IGFBPL1: variants seen among roughly 807,000 people sequenced by gnomAD.
IGFBPL1 encodes insulin-like growth factor-binding protein-like 1.
IGFBPL1 carries 20 observed loss-of-function variants against 23.9 expected under a neutral mutation model. The observed-to-expected ratio is 0.84, with a 90% CI of 0.59 to 1.22. IGFBPL1 has a LOEUF of 1.22. Among genes scored for constraint, IGFBPL1 ranks in the 50% most tolerant of loss-of-function variants. The pLI is 0.00. For synonymous variants in IGFBPL1, 184 were observed against 171.8 expected (o/e 1.07, Z -0.56); for missense variants, 436 against 379.3 (o/e 1.15, Z -1.24).
intron 1 of IGFBPL1, among the ~76,000 whole-genome samples, chr9:38,423,567 ACTT>A (rs1252200243): frequency 6.7e-6 from 1 of 150,314 alleles, no homozygotes; most frequent in Non-Finnish European, 1.5e-5. Context: ...CCTATCCTCT[ACTT>A]CCCTTCCTCC....
chr9:38,417,382 CAGATGAGAAAACCAAGACTCAGAA>C (rs1821614909), intron 1 of IGFBPL1, among the ~76,000 whole-genome samples: 1 of 152,218 alleles, frequency 6.6e-6, no homozygotes. Flanking sequence ...CCCCATTTCA[CAGATGAGAAAACCAAGACTCAGAA>C]AGGTAAAGTG....
rs1310583301 is a variant in IGFBPL1, at chr9:38,407,609, G to A, written c.*1618C>T. Among the ~76,000 whole-genome samples, 3 of 152,208 alleles carry A rather than the reference G, an allele frequency of 2.0e-5. No homozygotes were observed. Among genetic ancestry groups the A allele is most frequent in the Admixed American group, 1.3e-4 (2 of 15,286 alleles). ...AAGAGTCCCTGAAGCCTGTGGATTG[G>A]CAACATCTGCCTTTACATAGTTTTG... On this transcript the variant is annotated 3_prime_UTR_variant, in exon 5 of 5. Coordinates refer to ENST00000377694, the MANE Select transcript of IGFBPL1 (RefSeq NM_001007563.3).
intron 1 of IGFBPL1, among the ~76,000 whole-genome samples, chr9:38,416,127 G>A (rs953018476): frequency 2.6e-5 from 4 of 152,292 alleles, no homozygotes; most frequent in African/African-American, 7.2e-5. Flanking sequence ...CCACACAAGC[G>A]CTGGGATGCC....
intron 4 of IGFBPL1, among the ~76,000 whole-genome samples, chr9:38,410,792 T>C (rs189556919): frequency 3.2e-4 from 48 of 152,310 alleles, no homozygotes; most frequent in Admixed American, 1.1e-3. Flanking sequence ...AGTTCACCTG[T>C]AGGCAAGGAA....
intron 1 of IGFBPL1, among the ~76,000 whole-genome samples, chr9:38,416,815 C>T (rs756479353): frequency 2.0e-5 from 3 of 151,760 alleles, no homozygotes; most frequent in Non-Finnish European, 4.4e-5. Context: ...GCTGGGACTA[C>T]AGGCATGCAC....
At chr9:38,418,217 TGGCTGCCACCACA>T (rs1821627371) in intron 1 of IGFBPL1, among the ~76,000 whole-genome samples, 1 of 152,216 alleles carries the variant, frequency 6.6e-6, no homozygotes, top group Non-Finnish European at 1.5e-5. Flanking sequence ...CTCAACGTCA[TGGCTGCCACCACA>T]GGCAGGAAGG....
chr9:38,423,127 C>A (rs1478344433), intron 1 of IGFBPL1, among the ~76,000 whole-genome samples: 1 of 152,106 alleles, frequency 6.6e-6, no homozygotes, highest in African/African-American at 2.4e-5. Context: ...CTTAGGAAGC[C>A]GGTAAAGCAG....
chr9:38,421,501 T>C (rs886894453), intron 1 of IGFBPL1, among the ~76,000 whole-genome samples: 4 of 151,984 alleles, frequency 2.6e-5, no homozygotes, highest in Admixed American at 1.3e-4. Flanking sequence ...TCACACACTG[T>C]GAACAACATA....
chr9:38,419,739 A>T (rs12238372), intron 1 of IGFBPL1, among the ~76,000 whole-genome samples: 1 of 152,130 alleles, frequency 6.6e-6, no homozygotes, highest in Non-Finnish European at 1.5e-5. Context: ...CATAATACTA[A>T]GGCCATACCA....
At chr9:38,420,172 C>T (rs938007281) in intron 1 of IGFBPL1, among the ~76,000 whole-genome samples, 1 of 152,158 alleles carries the variant, frequency 6.6e-6, no homozygotes, top group African/African-American at 2.4e-5. Context: ...TGAAGCTTCC[C>T]CCTTCGGCCT....
chr9:38,414,028 CTTT>C, intron 2 of IGFBPL1, 63 bp downstream of exon 2: 1 of 908,244 alleles, frequency 1.1e-6, no homozygotes, highest in South Asian at 1.4e-5. Context: ...GTTTCTCCCT[CTTT>C]CTCACACACA....
chr9:38,416,911 C>T (rs1005058239), intron 1 of IGFBPL1, among the ~76,000 whole-genome samples: 3 of 151,840 alleles, frequency 2.0e-5, no homozygotes, highest in Non-Finnish European at 4.4e-5. Flanking sequence ...AAACTCCTGG[C>T]CTCTAACAAT....
rs886799401 is a variant in IGFBPL1 at position 38,408,500 on chromosome 9, C to T, written c.*727G>A. Among the ~76,000 whole-genome samples, 13 of 152,132 alleles carry T rather than the reference C, an allele frequency of 8.5e-5. No individual in the cohort carries two copies. Among genetic ancestry groups the T allele is most frequent in the African/African-American group, 2.2e-4 (9 of 41,414 alleles). On this transcript the variant is annotated 3_prime_UTR_variant, in exon 5 of 5. Transcript: ENST00000377694. ...CTGGTCTCCAAAGACCCAGCCAAGG[C>T]GCTCCTGAGTCTGGTAAAGCATCCC...
intron 1 of IGFBPL1, among the ~76,000 whole-genome samples, chr9:38,418,217 T>G (rs968811481): frequency 6.6e-6 from 1 of 152,216 alleles, no homozygotes; most frequent in African/African-American, 2.4e-5. Context: ...CTCAACGTCA[T>G]GGCTGCCACC....
chr9:38,406,563 G>A lies in IGFBPL1; in HGVS notation c.*2664C>T, dbSNP rs141716815. Among the ~76,000 whole-genome samples, 57 of 152,190 alleles carry A rather than the reference G, an allele frequency of 3.7e-4. No homozygotes were observed. The highest frequency in any genetic ancestry group is 1.3e-3 in the African/African-American group (55 of 41,508). ...AACATTTATTTTTTTCAGGGTGCAG[G>A]GGTCGTGACATCATGACATCTACAA... On this transcript the variant is annotated 3_prime_UTR_variant, in exon 5 of 5. Coordinates refer to ENST00000377694, the MANE Select transcript of IGFBPL1 (RefSeq NM_001007563.3).
chr9:38,413,022 G>A (rs957705584), intron 3 of IGFBPL1, among the ~76,000 whole-genome samples: 9 of 152,182 alleles, frequency 5.9e-5, no homozygotes, highest in African/African-American at 1.4e-4. Flanking sequence ...GGGTGAGGAC[G>A]TGGTGGACAT....
At chr9:38,421,394 T>C (rs1821676866) in intron 1 of IGFBPL1, among the ~76,000 whole-genome samples, 2 of 152,004 alleles carry the variant, frequency 1.3e-5, no homozygotes, top group Admixed American at 6.5e-5. Context: ...TCTCATTATG[T>C]GGCAGTTTGG....
intron 1 of IGFBPL1, among the ~76,000 whole-genome samples, chr9:38,417,627 G>A (rs923001418): frequency 5.3e-5 from 8 of 152,164 alleles, no homozygotes; most frequent in African/African-American, 1.7e-4. Context: ...AGCATTTAGT[G>A]GTACTCAGGC....
In IGFBPL1 at chr9:38,407,357, G is replaced by C. The variant is rs2031521029; in HGVS notation, c.*1870C>G. 6.6e-6 allele frequency among the ~76,000 whole-genome samples: 1 copy of C among 152,160 alleles called. No homozygotes were observed. The highest frequency in any genetic ancestry group is 2.1e-4 in the South Asian group (1 of 4,822). Reference sequence around the variant, plus strand: ...CAGAAAGTGAAGGAGACTTGCTCAGGGTCACACAGCGAGCCGGGGATTAAT... The same window carrying C: ...CAGAAAGTGAAGGAGACTTGCTCAGCGTCACACAGCGAGCCGGGGATTAAT... On this transcript the variant is annotated 3_prime_UTR_variant, in exon 5 of 5. Transcript: ENST00000377694.
Sources: gnomAD v4.1 joint callset for allele counts (sites outside exome capture counted in the v4.1 genomes callset) on GRCh38, gnomAD v4.1.1 for gene constraint, MANE v1.5 for transcripts, NCBI Gene and HGNC (gene_info 2026-07-23, HGNC 2026-07-21) for gene names.